CIMIP6: variants seen among roughly 807,000 people sequenced by gnomAD.
The protein encoded by CIMIP6 is ciliary microtubule inner protein 6, also known as uncharacterized protein C2orf73.
At chr2:54,371,094 G>A in the CIMIP6 span, among the ~76,000 whole-genome samples, 1 of 152,204 alleles carries the variant, frequency 6.6e-6, no homozygotes, top group Non-Finnish European at 1.5e-5. Context: ...TTCCTTTCCA[G>A]GCAGTTGCAG....
At chr2:54,358,496 G>A in the CIMIP6 span, among the ~76,000 whole-genome samples, 1 of 151,874 alleles carries the variant, frequency 6.6e-6, no homozygotes, top group South Asian at 2.1e-4. Context: ...TGAACTTTTG[G>A]GCTCAAGCGA....
chr2:54,334,159 A>G, the CIMIP6 span, among the ~76,000 whole-genome samples: 15 of 152,100 alleles, frequency 9.9e-5, no homozygotes, highest in African/African-American at 3.6e-4. Context: ...TATAATTTCA[A>G]TTTCTCCTTA....
At chr2:54,367,777 G>T in the CIMIP6 span, among the ~76,000 whole-genome samples, 1 of 152,104 alleles carries the variant, frequency 6.6e-6, no homozygotes, top group Non-Finnish European at 1.5e-5. Flanking sequence ...GCAGAGTCCG[G>T]TGCTATTCTA....
At chr2:54,338,226 G>C in the CIMIP6 span, among the ~76,000 whole-genome samples, 1 of 151,970 alleles carries the variant, frequency 6.6e-6, no homozygotes, top group African/African-American at 2.4e-5. Context: ...TTGAGCCCAG[G>C]AGTTTGAAAC....
chr2:54,346,216 T>C, the CIMIP6 span, among the ~76,000 whole-genome samples: 1 of 152,168 alleles, frequency 6.6e-6, no homozygotes, highest in Non-Finnish European at 1.5e-5. Context: ...CACAACAGAA[T>C]GTATCTTAGC....
the CIMIP6 span, among the ~76,000 whole-genome samples, chr2:54,357,169 CT>C: frequency 2.0e-5 from 3 of 152,046 alleles, no homozygotes; most frequent in Admixed American, 2.0e-4. Flanking sequence ...TAACAGTTAA[CT>C]TTTTTTATAC....
At chr2:54,361,606 G>C in the CIMIP6 span, 2 of 151,774 alleles carry the variant, frequency 1.3e-5, no homozygotes, top group African/African-American at 4.8e-5. Flanking sequence ...ATATTTTTTT[G>C]TGTTGGGGAC....
At chr2:54,348,752 A>T in the CIMIP6 span, among the ~76,000 whole-genome samples, 1 of 152,250 alleles carries the variant, frequency 6.6e-6, no homozygotes, top group South Asian at 2.1e-4. Context: ...ATGCACTAAT[A>T]TGTGCATATA....
the CIMIP6 span, among the ~76,000 whole-genome samples, chr2:54,350,633 C>G: frequency 1.3e-5 from 2 of 152,288 alleles, no homozygotes; most frequent in South Asian, 4.1e-4. Flanking sequence ...AAGACCAGCC[C>G]ACATTTACGG....
the CIMIP6 span, among the ~76,000 whole-genome samples, chr2:54,373,271 G>A: frequency 7.2e-5 from 11 of 152,062 alleles, no homozygotes; most frequent in African/African-American, 9.6e-5. Flanking sequence ...CAGTCTTTCC[G>A]GAACCTGCCG....
At chr2:54,355,533 TATC>T in the CIMIP6 span, among the ~76,000 whole-genome samples, 1 of 152,114 alleles carries the variant, frequency 6.6e-6, no homozygotes, top group African/African-American at 2.4e-5. Flanking sequence ...CTTGGATATA[TATC>T]ATCATCATTT....
At chr2:54,360,511 T>C in the CIMIP6 span, 2 of 1,556,958 alleles carry the variant, frequency 1.3e-6, no homozygotes, top group South Asian at 2.4e-5. Flanking sequence ...TAGGAGATGC[T>C]CTTTTCACTA....
chr2:54,381,712 A>C, the CIMIP6 span: 1 of 1,270,464 alleles, frequency 7.9e-7, no homozygotes, highest in Non-Finnish European at 1.0e-6. Context: ...CTCCTGTGCC[A>C]TCTGCCCTTT....
chr2:54,373,412 C>T, the CIMIP6 span, among the ~76,000 whole-genome samples: 4 of 152,100 alleles, frequency 2.6e-5, no homozygotes, highest in East Asian at 5.8e-4. Flanking sequence ...GAAGCTCCCC[C>T]TCCAACCCCG....
chr2:54,382,262 G>A, the CIMIP6 span, among the ~76,000 whole-genome samples: 30 of 152,228 alleles, frequency 2.0e-4, no homozygotes, highest in Non-Finnish European at 4.3e-4. Context: ...AGCTCTAAGA[G>A]TAAATATTCA....
At chr2:54,357,868 G>C in the CIMIP6 span, among the ~76,000 whole-genome samples, 1 of 151,654 alleles carries the variant, frequency 6.6e-6, no homozygotes, top group Non-Finnish European at 1.5e-5. Context: ...TACAGGCGTG[G>C]GCTACTGCGC....
At chr2:54,358,958 G>A in the CIMIP6 span, 18 of 1,484,416 alleles carry the variant, frequency 1.2e-5, no homozygotes, top group South Asian at 2.5e-4. Flanking sequence ...CTTTTTTTTA[G>A]TACCACTTGC....
the CIMIP6 span, among the ~76,000 whole-genome samples, chr2:54,358,691 T>G: frequency 6.6e-6 from 1 of 152,230 alleles, no homozygotes; most frequent in Non-Finnish European, 1.5e-5. Context: ...TGAGCCACCA[T>G]GCCTGACCAT....
At chr2:54,345,310 G>C in the CIMIP6 span, among the ~76,000 whole-genome samples, 1 of 152,148 alleles carries the variant, frequency 6.6e-6, no homozygotes, top group African/African-American at 2.4e-5. Flanking sequence ...AAAGGAGTTT[G>C]GGCTAGGGTA....
Sources: allele counts gnomAD v4.1 joint callset (sites outside exome capture counted in the v4.1 genomes callset), GRCh38; gene constraint gnomAD v4.1.1; transcripts MANE v1.5; gene names NCBI Gene and HGNC (gene_info 2026-07-23, HGNC 2026-07-21).